The following RIC1 variants were observed in gnomAD, a reference collection of about 807,000 sequenced individuals.
The protein encoded by RIC1 is RIC1 partner of RAB6A GEF complex, also known as guanine nucleotide exchange factor subunit RIC1.
A neutral mutation model predicts 169.0 loss-of-function variants in RIC1; 88 were observed. The observed-to-expected ratio is 0.52, with a 90% CI of 0.44 to 0.62. The LOEUF is 0.62. Among genes scored for constraint, RIC1 ranks in the 20% least tolerant of loss-of-function variants. The probability of loss-of-function intolerance (pLI) is 0.00; values close to 1 mark genes in which losing one functional copy is unlikely to be tolerated. For missense variants in RIC1, 1,877 were observed against 1,725.5 expected, an observed-to-expected ratio of 1.09 and a Z score of -1.56; for synonymous variants, 790 against 601.5, an observed-to-expected ratio of 1.31 and a Z score of -4.59.
At chr9:5,657,724 C>A (rs760176077) in intron 2 of RIC1, among the ~76,000 whole-genome samples, 1 of 152,056 alleles carries the variant, frequency 6.6e-6, no homozygotes, top group African/African-American at 2.4e-5. Flanking sequence ...CTGAGTAGTT[C>A]TACGCTTCCT....
At chr9:5,762,205 T>A (rs1826382149) in intron 17 of RIC1, among the ~76,000 whole-genome samples, 1 of 152,230 alleles carries the variant, frequency 6.6e-6, no homozygotes, top group South Asian at 2.1e-4. Context: ...ACTGCATCCT[T>A]TTAAACTTTC....
intron 15 of RIC1, among the ~76,000 whole-genome samples, chr9:5,755,401 G>C (rs1451397020): frequency 6.6e-6 from 1 of 152,074 alleles, no homozygotes; most frequent in Non-Finnish European, 1.5e-5. Flanking sequence ...TAATTTGTAA[G>C]AGATTAATAA....
Position 5,747,558 on chromosome 9 carries a change from C to T in RIC1, c.1452+53C>T, listed in dbSNP as rs113971806. 2,988 of 1,425,508 alleles carry T rather than the reference C, an allele frequency of 2.1e-3. 24 individuals are homozygous for T. Among genetic ancestry groups the T allele is most frequent in the South Asian group, 0.011 (974 of 86,032 alleles). The allele number at this position is 1,425,508 out of a possible 1,614,324, so 88.3% of individuals were successfully genotyped here. A position where few individuals can be genotyped will look rare whatever the true frequency, so the allele number is the denominator to read the frequency against. On this transcript the variant is annotated intron_variant, in intron 12 of 25. Coordinates refer to ENST00000414202, the MANE Select transcript of RIC1 (RefSeq NM_020829.4). ...GACTTATTCTTTGATAGGATATCAC[C>T]TGGAACAGATTATTAAATATTTCAT... is the stretch of plus-strand genomic sequence containing the variant.
At chr9:5,691,275 G>A (rs1821578005) in intron 3 of RIC1, among the ~76,000 whole-genome samples, 1 of 151,858 alleles carries the variant, frequency 6.6e-6, no homozygotes, top group Non-Finnish European at 1.5e-5. Flanking sequence ...GTCATCTAAA[G>A]ACAAAATCTA....
intron 3 of RIC1, among the ~76,000 whole-genome samples, chr9:5,711,060 T>C (rs1822900944): frequency 6.6e-6 from 1 of 152,156 alleles, no homozygotes; most frequent in African/African-American, 2.4e-5. Flanking sequence ...ATTGAACAGG[T>C]CTACCAGGTG....
intron 5 of RIC1, 101 bp downstream of exon 5, chr9:5,720,425 A>C: frequency 7.7e-7 from 1 of 1,294,182 alleles, no homozygotes; most frequent in Non-Finnish European, 1.1e-6. Context: ...TACTTATGCA[A>C]GGGGAGAGGT....
chr9:5,656,806 A>T (rs1468721315), intron 2 of RIC1, 116 bp downstream of exon 2: 2 of 615,098 alleles, frequency 3.3e-6, no homozygotes, highest in Non-Finnish European at 5.8e-6. Flanking sequence ...TATTTATTTT[A>T]TTCTGATAGG....
At chr9:5,745,417 T>A (rs1825319046) in intron 10 of RIC1, among the ~76,000 whole-genome samples, 1 of 152,144 alleles carries the variant, frequency 6.6e-6, no homozygotes, top group African/African-American at 2.4e-5. Flanking sequence ...GAAACTTATA[T>A]CCCGAGAAAC....
intron 1 of RIC1, among the ~76,000 whole-genome samples, chr9:5,631,348 G>A (rs1457579061): frequency 3.3e-5 from 5 of 152,116 alleles, no homozygotes; most frequent in Admixed American, 3.3e-4. Context: ...GGGTTTAGAG[G>A]TCTGGAGTGA....
chr9:5,725,049 T>C (rs1563928672), intron 6 of RIC1, among the ~76,000 whole-genome samples: 1 of 152,224 alleles, frequency 6.6e-6, no homozygotes, highest in Non-Finnish European at 1.5e-5. Flanking sequence ...CAGGCTTTGA[T>C]ATCAGGATGA....
chr9:5,693,658 A>G (rs1821717407), intron 3 of RIC1, among the ~76,000 whole-genome samples: 1 of 152,196 alleles, frequency 6.6e-6, no homozygotes, highest in Non-Finnish European at 1.5e-5. Context: ...ACTTCCAGGG[A>G]TAAGTCAGAA....
At chr9:5,687,225 AG>A (rs377038770) in intron 2 of RIC1, among the ~76,000 whole-genome samples, 142 of 152,230 alleles carry the variant, frequency 9.3e-4, no homozygotes, top group African/African-American at 3.3e-3. Flanking sequence ...TTGCCTGATC[AG>A]TGTGACCAGA....
chr9:5,630,061 C>G (rs1817643968), intron 1 of RIC1, among the ~76,000 whole-genome samples: 1 of 152,208 alleles, frequency 6.6e-6, no homozygotes, highest in African/African-American at 2.4e-5. Flanking sequence ...CTCTTGGACT[C>G]TTCGGAATAG....
At position 5,753,186 on chromosome 9, in the gene RIC1, G is replaced by A. The variant is rs1460194307; in HGVS notation, c.1453-14G>A. On this transcript the variant is annotated splice_polypyrimidine_tract_variant and intron_variant, in intron 12 of 25. Coordinates refer to ENST00000414202, the MANE Select transcript of RIC1 (RefSeq NM_020829.4). ...TTCATAAGTTTTACCAATCTGATGT[G>A]TTATTTTCTATAGATTTCCAGCACC... 3 of 1,606,254 alleles carry A rather than the reference G, an allele frequency of 1.9e-6. No individual in the cohort carries two copies. Among genetic ancestry groups the A allele is most frequent in the Non-Finnish European group, 2.6e-6 (3 of 1,172,906 alleles).
intron 21 of RIC1, 76 bp from the exon 22 acceptor site, chr9:5,768,894 A>C (rs1270919665): frequency 6.9e-7 from 1 of 1,448,054 alleles, no homozygotes; most frequent in Non-Finnish European, 9.3e-7. Flanking sequence ...CAGCTTTATC[A>C]GTACCTCTGC....
intron 6 of RIC1, among the ~76,000 whole-genome samples, chr9:5,720,994 C>A (rs535421078): frequency 6.6e-6 from 1 of 152,294 alleles, no homozygotes; most frequent in African/African-American, 2.4e-5. Flanking sequence ...GAGGCAACTA[C>A]TTGTTATTCC....
chr9:5,706,635 T>A (rs1054405633), intron 3 of RIC1, among the ~76,000 whole-genome samples: 1 of 152,208 alleles, frequency 6.6e-6, no homozygotes, highest in African/African-American at 2.4e-5. Context: ...TTACTTATTA[T>A]AGGTCTATTC....
intron 3 of RIC1, among the ~76,000 whole-genome samples, chr9:5,693,024 A>C (rs1304213937): frequency 6.6e-6 from 1 of 152,078 alleles, no homozygotes; most frequent in African/African-American, 2.4e-5. Context: ...TGTGCTATTA[A>C]TCAGTAATAT....
chr9:5,769,238 AAT>A lies in RIC1; in HGVS notation c.3407_3408del (p.Asn1136ArgfsTer17). The A allele has an allele frequency of 6.2e-7, 1 of 1,614,122 alleles. No individual in the cohort carries two copies. Among genetic ancestry groups the A allele is most frequent in the Non-Finnish European group, 8.5e-7 (1 of 1,179,974 alleles). ...CTCTTCTATCAGTTCTCCTTTCAAA[AAT>A]GGAAAATACCGAACTGGTAATGTAG... is the stretch of plus-strand genomic sequence containing the variant. ...PASSISSPFK[N>X]GKYRTVGEQL... On this transcript the variant is annotated frameshift_variant, in exon 22 of 26. Coordinates refer to ENST00000414202, the MANE Select transcript of RIC1 (RefSeq NM_020829.4). LOFTEE classifies it high-confidence loss of function.
Sources: allele counts gnomAD v4.1 joint callset (sites outside exome capture counted in the v4.1 genomes callset), GRCh38; gene constraint gnomAD v4.1.1; transcripts MANE v1.5; gene names NCBI Gene and HGNC (gene_info 2026-07-23, HGNC 2026-07-21).